Variants in SYNE3 observed in about 807,000 individuals in gnomAD.
The protein encoded by SYNE3 is nesprin-3.
Under a neutral mutation model 111.2 loss-of-function variants are expected in SYNE3, and 100 were observed. The ratio of observed to expected loss-of-function variants is 0.90; its 90% CI spans 0.77 to 1.06. The LOEUF is 1.06. Ranked by LOEUF, SYNE3 falls within the 50% of genes least tolerant of loss-of-function variation. The pLI is 0.00. For missense variants in SYNE3, 1,160 were observed against 1,240.3 expected (o/e 0.94, Z 0.97); for synonymous variants, 547 against 533.9 (o/e 1.02, Z -0.34).
chr14:95,421,178 T>A (rs1320346524), intron 17 of SYNE3, among the ~76,000 whole-genome samples: 1 of 152,194 alleles, frequency 6.6e-6, no homozygotes, highest in African/African-American at 2.4e-5. Context: ...CTCGGGTATG[T>A]CTTTATCAGC....
At chr14:95,422,937 G>A (rs943906657) in intron 17 of SYNE3, among the ~76,000 whole-genome samples, 5 of 152,204 alleles carry the variant, frequency 3.3e-5, no homozygotes, top group East Asian at 1.9e-4. Flanking sequence ...CTGGTTTCCC[G>A]GACTGGGCCC....
intron 3 of SYNE3, among the ~76,000 whole-genome samples, chr14:95,467,304 A>G (rs1888248854): frequency 6.6e-6 from 1 of 152,164 alleles, no homozygotes; most frequent in South Asian, 2.1e-4. Flanking sequence ...GGAGCACTTG[A>G]TTACTCCCAT....
intron 4 of SYNE3, among the ~76,000 whole-genome samples, chr14:95,463,376 C>G (rs1169271432): frequency 6.6e-6 from 1 of 152,192 alleles, no homozygotes; most frequent in Non-Finnish European, 1.5e-5. Context: ...AGAATTGATG[C>G]TCACTCAGCA....
At chr14:95,448,462 A>C (rs1439851653) in intron 8 of SYNE3, among the ~76,000 whole-genome samples, 1 of 151,766 alleles carries the variant, frequency 6.6e-6, no homozygotes. Context: ...CGGGGCAGGC[A>C]GCTCACTTGA....
At chr14:95,487,002 G>A (rs974964090) in intron 1 of SYNE3, among the ~76,000 whole-genome samples, 1 of 152,182 alleles carries the variant, frequency 6.6e-6, no homozygotes, top group Non-Finnish European at 1.5e-5. Flanking sequence ...CACACTGCCT[G>A]TGTTTCCAGA....
At chr14:95,471,824 G>A (rs1333173828) in intron 2 of SYNE3, among the ~76,000 whole-genome samples, 1 of 152,228 alleles carries the variant, frequency 6.6e-6, no homozygotes. Flanking sequence ...ATGAGGGCAA[G>A]GGGAAGGTGG....
chr14:95,449,517 T>G (rs565291641), intron 8 of SYNE3: 1 of 985,322 alleles, frequency 1.0e-6, no homozygotes, highest in African/African-American at 1.7e-5. Context: ...AAGGGCTTGG[T>G]CCTGGTGACA....
At chr14:95,504,326 C>T (rs1057313383) in intron 1 of SYNE3, among the ~76,000 whole-genome samples, 3 of 152,142 alleles carry the variant, frequency 2.0e-5, no homozygotes, top group Admixed American at 2.0e-4. Context: ...TTTATCAGCC[C>T]AAGGGAATTA....
At chr14:95,429,628 C>T (rs1048061750) in intron 17 of SYNE3, among the ~76,000 whole-genome samples, 4 of 152,306 alleles carry the variant, frequency 2.6e-5, no homozygotes, top group Admixed American at 2.6e-4. Context: ...GCTCAAAAGG[C>T]AGCAAGCACC....
At position 95,409,226 on chromosome 14, in the gene SYNE3, C is replaced by T; in HGVS notation, c.*8600G>A. 1 of 456,790 alleles carries T rather than the reference C, an allele frequency of 2.2e-6. No individual in the cohort carries two copies. Among genetic ancestry groups the T allele is most frequent in the South Asian group, 1.5e-5 (1 of 64,578 alleles). 28.3% of individuals were successfully genotyped at this position (456,790 alleles called of 1,614,324 possible). A position where few individuals can be genotyped will look rare whatever the true frequency, so the allele number is the denominator to read the frequency against. On this transcript the variant is annotated 3_prime_UTR_variant, in exon 18 of 18. Coordinates refer to ENST00000682763, the MANE Select transcript of SYNE3 (RefSeq NM_152592.6). ...TTACCACTCCCCGCCTAGCTGGCTGCTCTGAGGCAGGCTGCTGACCCTCTC... is the reference window on the plus strand; with the variant it reads ...TTACCACTCCCCGCCTAGCTGGCTGTTCTGAGGCAGGCTGCTGACCCTCTC...
rs376635328 is a variant in SYNE3 at position 95,475,660 on chromosome 14, G to A, written c.144+18C>T. 2.5e-5 allele frequency: 37 copies of A among 1,506,776 alleles called. No individual in the cohort carries two copies. Among genetic ancestry groups the A allele is most frequent in the African/African-American group, 2.4e-4 (17 of 71,618 alleles). The allele number at this position is 1,506,776 out of a possible 1,614,324, so 93.3% of individuals were successfully genotyped here. ...GGGCCAAGACCACAGGGCCATCTGA[G>A]GCCACGCCTCTGCATACCTCGGTCT... On this transcript the variant is annotated intron_variant, in intron 2 of 17. Coordinates refer to ENST00000682763, the MANE Select transcript of SYNE3 (RefSeq NM_152592.6).
rs1400202517 is a variant in SYNE3, at chr14:95,416,234, G to C, written c.*1592C>G. The C allele has an allele frequency of 6.6e-6, 1 of 152,190 alleles. No homozygotes were observed. Among genetic ancestry groups the C allele is most frequent in the East Asian group, 1.9e-4 (1 of 5,176 alleles). The allele number at this position is 152,190 out of a possible 1,614,324, so 9.4% of individuals were successfully genotyped here. A position where few individuals can be genotyped will look rare whatever the true frequency, so the allele number is the denominator to read the frequency against. The stretch of plus-strand genomic sequence containing the variant: ...CCAAGGGCAGAGCTCACAGTGAAAG[G>C]CAAAGGGTCAGTGTGTGTGAGACAG... On this transcript the variant is annotated 3_prime_UTR_variant, in exon 18 of 18. Transcript: ENST00000682763.
intron 4 of SYNE3, among the ~76,000 whole-genome samples, chr14:95,465,726 G>A (rs1480501540): frequency 1.3e-5 from 2 of 152,072 alleles, no homozygotes; most frequent in Non-Finnish European, 2.9e-5. Context: ...GTGATTTAGT[G>A]GGGAGGTAGA....
chr14:95,420,720 A>C, intron 17 of SYNE3, among the ~76,000 whole-genome samples: 1 of 151,998 alleles, frequency 6.6e-6, no homozygotes, highest in Non-Finnish European at 1.5e-5. Flanking sequence ...AAACACACAC[A>C]CACACACATA....
intron 1 of SYNE3, among the ~76,000 whole-genome samples, chr14:95,502,314 G>C (rs1890368087): frequency 7.9e-6 from 1 of 126,456 alleles, no homozygotes; most frequent in Non-Finnish European, 1.6e-5. Context: ...TGGGTTCCCA[G>C]AGCCTGTGTC....
intron 1 of SYNE3, among the ~76,000 whole-genome samples, chr14:95,493,446 A>C (rs1385898222): frequency 6.6e-6 from 1 of 152,250 alleles, no homozygotes; most frequent in African/African-American, 2.4e-5. Context: ...ATTTGAACCT[A>C]GGTGTATTGA....
intron 1 of SYNE3, among the ~76,000 whole-genome samples, chr14:95,504,854 A>G (rs987318136): frequency 2.0e-5 from 3 of 151,826 alleles, no homozygotes; most frequent in Non-Finnish European, 4.4e-5. Flanking sequence ...AAAAAAGACA[A>G]TAGGAGCCTC....
rs567096806 is a variant in SYNE3 at position 95,455,574 on chromosome 14, C to T, written c.940G>A (p.Ala314Thr). 56 of 1,614,164 alleles carry T rather than the reference C, an allele frequency of 3.5e-5. No homozygotes were observed. The Admixed American group carries it at 4.3e-4, about 12-fold the overall frequency. Residue 314 changes from alanine (A) to threonine (T), a missense_variant, in exon 6 of 18, where the codon GCC (alanine) becomes ACC (threonine). Transcript: ENST00000682763. ...CGCTCCTCCTCCTCCTCCCAGAGGG[C>T]GCGCAGCTTCTCCAGAACTTTCCTC... ...EMRKVLEKLR[A>T]LWEEEEERLR...
At chr14:95,477,154 T>C (rs1888932068) in intron 1 of SYNE3, among the ~76,000 whole-genome samples, 1 of 152,224 alleles carries the variant, frequency 6.6e-6, no homozygotes, top group South Asian at 2.1e-4. Flanking sequence ...TCCAGAACTT[T>C]GGGAGGCTTA....
Sources: allele counts gnomAD v4.1 joint callset (sites outside exome capture counted in the v4.1 genomes callset), GRCh38; gene constraint gnomAD v4.1.1; transcripts MANE v1.5; gene names NCBI Gene and HGNC (gene_info 2026-07-23, HGNC 2026-07-21).